NCAM1: variants seen among roughly 807,000 people sequenced by gnomAD.
NCAM1 encodes antigen recognized by monoclonal antibody 5.1H11.
A neutral mutation model predicts 109.8 loss-of-function variants in NCAM1; 14 were observed. The observed-to-expected ratio is 0.13, with a 90% CI of 0.08 to 0.20. The LOEUF (loss-of-function observed/expected upper bound fraction) is 0.20, where lower values mean the gene tolerates loss of function less well. Among genes scored for constraint, NCAM1 ranks in the 10% least tolerant of loss-of-function variants. NCAM1 has a pLI of 1.00. For synonymous variants in NCAM1, 418 were observed against 442.9 expected (o/e 0.94, Z 0.70); for missense variants, 774 against 1,109.9 (o/e 0.70, Z 4.30).
At chr11:113,175,422 T>C (rs1555106870) in intron 1 of NCAM1, among the ~76,000 whole-genome samples, 1 of 152,252 alleles carries the variant, frequency 6.6e-6, no homozygotes, top group Admixed American at 6.5e-5. Context: ...GTTGGTTACA[T>C]ATATGTCATT....
intron 1 of NCAM1, among the ~76,000 whole-genome samples, chr11:112,970,917 T>G (rs1555066643): frequency 1.3e-5 from 2 of 152,094 alleles, no homozygotes; most frequent in African/African-American, 4.8e-5. Flanking sequence ...GGTAGATGAC[T>G]GAGAGGGAGA....
At position 113,203,329 on chromosome 11, in the gene NCAM1, C is replaced by T. The variant is rs146103075; in HGVS notation, c.127+876C>T. 4.4e-3 allele frequency among the ~76,000 whole-genome samples: 675 copies of T among 152,258 alleles called. 14 individuals carry two copies. Among genetic ancestry groups the T allele is most frequent in the Non-Finnish European group, 1.8e-3 (124 of 68,020 alleles). ...TACAGCAATTTCAATGATCTGGAGA[C>T]GCAGCCGTGGAGCCCACAGCACATC... On this transcript the variant is annotated intron_variant, in intron 2 of 19. Coordinates refer to ENST00000316851, the MANE Select transcript of NCAM1 (RefSeq NM_181351.5).
chr11:113,190,768 A>T (rs555592545), intron 1 of NCAM1, among the ~76,000 whole-genome samples: 5 of 152,284 alleles, frequency 3.3e-5, no homozygotes, highest in African/African-American at 9.6e-5. Flanking sequence ...ATTATCTAGC[A>T]GGTCAGGCAC....
At chr11:113,264,876 C>T in intron 17 of NCAM1, 1 of 985,640 alleles carries the variant, frequency 1.0e-6, no homozygotes, top group Non-Finnish European at 1.2e-6. Flanking sequence ...CATACCCACT[C>T]CCCACGGACA....
intron 1 of NCAM1, among the ~76,000 whole-genome samples, chr11:113,169,280 C>G (rs1377380838): frequency 6.6e-6 from 1 of 152,084 alleles, no homozygotes; most frequent in African/African-American, 2.4e-5. Flanking sequence ...TTTCAACTTG[C>G]CTTTATTGGT....
intron 14 of NCAM1, chr11:113,243,876 T>G (rs1474312403): frequency 5.3e-6 from 1 of 189,114 alleles, no homozygotes; most frequent in Non-Finnish European, 1.1e-5. Flanking sequence ...TGGTTCTGTG[T>G]GTTGCATGAA....
chr11:112,988,015 C>T (rs77094124), intron 1 of NCAM1, among the ~76,000 whole-genome samples: 1,979 of 152,072 alleles, frequency 0.013, 27 homozygotes, highest in Admixed American at 0.021. Context: ...TAGTGGCATA[C>T]GTCTTGATTT....
chr11:113,092,631 T>C (rs1565431454), intron 1 of NCAM1, among the ~76,000 whole-genome samples: 1 of 152,210 alleles, frequency 6.6e-6, no homozygotes, highest in Non-Finnish European at 1.5e-5. Context: ...CTTAAGATGT[T>C]AGTGAACTTG....
At chr11:113,045,815 C>T (rs1953249954) in intron 1 of NCAM1, among the ~76,000 whole-genome samples, 1 of 151,698 alleles carries the variant, frequency 6.6e-6, no homozygotes, top group Admixed American at 6.6e-5. Flanking sequence ...AGTGGCTCAA[C>T]TCAAGGAAAT....
At chr11:113,217,731 C>T (rs1013438738) in intron 8 of NCAM1, among the ~76,000 whole-genome samples, 5 of 152,082 alleles carry the variant, frequency 3.3e-5, no homozygotes, top group African/African-American at 4.8e-5. Flanking sequence ...ATTGGTTAAC[C>T]GATATTGCAG....
Position 113,132,644 on chromosome 11 carries a change from G to A in NCAM1, c.53-69735G>A, listed in dbSNP as rs868953434. ...TGTGTGTGTGTGTGTGTGTGTGTGT[G>A]TGTGTGTCAGAGCGGGGGTGGGGGA... On this transcript the variant is annotated intron_variant, in intron 1 of 19. Coordinates refer to ENST00000316851, the MANE Select transcript of NCAM1 (RefSeq NM_181351.5). Among the ~76,000 whole-genome samples, 237 of 149,858 alleles carry A rather than the reference G, an allele frequency of 1.6e-3. 3 individuals are homozygous for A. Among genetic ancestry groups the A allele is most frequent in the African/African-American group, 5.5e-3 (224 of 40,642 alleles).
chr11:113,259,942 G>T (rs1488075887), intron 16 of NCAM1: 2 of 465,786 alleles, frequency 4.3e-6, no homozygotes, highest in Non-Finnish European at 7.6e-6. Context: ...GACCTCAAGT[G>T]ATCCACCCGC....
At chr11:113,148,268 G>A (rs782637205) in intron 1 of NCAM1, among the ~76,000 whole-genome samples, 2 of 151,652 alleles carry the variant, frequency 1.3e-5, no homozygotes, top group Non-Finnish European at 2.9e-5. Flanking sequence ...TGCTCATGTC[G>A]CCATGATAAC....
intron 1 of NCAM1, among the ~76,000 whole-genome samples, chr11:113,177,358 A>G (rs1277822298): frequency 6.6e-6 from 1 of 152,186 alleles, no homozygotes; most frequent in Non-Finnish European, 1.5e-5. Flanking sequence ...CCAGAAAATA[A>G]GATGGGATTT....
chr11:113,036,404 T>G (rs1555079178), intron 1 of NCAM1, among the ~76,000 whole-genome samples: 1 of 151,956 alleles, frequency 6.6e-6, no homozygotes, highest in Non-Finnish European at 1.5e-5. Context: ...GGCTCGCTCC[T>G]CTGCTCTCCT....
intron 1 of NCAM1, among the ~76,000 whole-genome samples, chr11:113,051,785 T>G (rs1244500572): frequency 3.3e-5 from 5 of 152,204 alleles, no homozygotes; most frequent in African/African-American, 7.2e-5. Flanking sequence ...TTTGCTTCAG[T>G]TTTTCTCTCA....
Position 113,235,060 on chromosome 11 carries a change from T to G in NCAM1, c.1721T>G (p.Val574Gly). The G allele has an allele frequency of 1.3e-6, 2 of 1,570,584 alleles. No individual in the cohort carries two copies. Among genetic ancestry groups the G allele is most frequent in the East Asian group, 2.4e-5 (1 of 42,092 alleles). The change falls in exon 14 of 20, where the codon GTG (valine) becomes GGG (glycine). Residue 574 changes from valine to glycine, a missense_variant. Val to Gly is a moderately radical substitution (Grantham distance 109, BLOSUM62 -3). This residue lies in a region of NCAM1 where 523 missense variants were observed against 784.2 expected (regional missense o/e 0.67). Transcript: ENST00000316851. ...EASMEGIVTI[V>G]GLKPETTYAV... ...AGCATGGAGGGCATCGTCACCATCG[T>G]GGGCCTGAAGCCCGAAACAACGTAC...
At chr11:113,248,223 G>A (rs1472790558) in intron 15 of NCAM1, among the ~76,000 whole-genome samples, 4 of 106,992 alleles carry the variant, frequency 3.7e-5, no homozygotes, top group Non-Finnish European at 8.3e-5. Context: ...AAATGTGGCC[G>A]GTACCAAAAA....
At chr11:113,152,650 G>C (rs1196298270) in intron 1 of NCAM1, among the ~76,000 whole-genome samples, 2 of 152,124 alleles carry the variant, frequency 1.3e-5, no homozygotes, top group Non-Finnish European at 2.9e-5. Context: ...ATTTGTAACT[G>C]TTACTTATTC....
Sources: allele counts gnomAD v4.1 joint callset (sites outside exome capture counted in the v4.1 genomes callset), GRCh38; gene constraint gnomAD v4.1.1; regional missense constraint gnomAD v4.1.1; transcripts MANE v1.5; gene names NCBI Gene and HGNC (gene_info 2026-07-23, HGNC 2026-07-21).